Variants in MBD5 observed in about 807,000 individuals in gnomAD.
MBD5 encodes the protein methyl-CpG binding domain protein 5.
In MBD5, 13 loss-of-function variants were observed where a neutral mutation model predicts 117.3. The observed-to-expected ratio is 0.11, with a 90% CI of 0.07 to 0.18. MBD5 has a LOEUF of 0.18. Ranked by LOEUF, MBD5 falls within the 10% of genes least tolerant of loss-of-function variation. The probability of loss-of-function intolerance (pLI) is 1.00; values close to 1 mark genes in which losing one functional copy is unlikely to be tolerated. For synonymous variants in MBD5, 727 were observed against 766.4 expected, an observed-to-expected ratio of 0.95 and a Z score of 0.85; for missense variants, 1,879 against 2,093.8, an observed-to-expected ratio of 0.90 and a Z score of 2.00.
chr2:148,140,337 TTAAC>T lies in MBD5; in HGVS notation c.-924-38360_-924-38357del, dbSNP rs547475935. ...ACACTACTACTAATTTTAGTTTTGT[TTAAC>T]TATTCAAATTTTGTAGGTTGTTTTA... On this transcript the variant is annotated intron_variant, in intron 1 of 13. Coordinates refer to ENST00000642680, the MANE Select transcript of MBD5 (RefSeq NM_001378120.1). 1.8e-3 allele frequency among the ~76,000 whole-genome samples: 268 copies of T among 152,344 alleles called. 2 individuals carry two copies. The highest frequency in any genetic ancestry group is 5.9e-3 in the African/African-American group (244 of 41,580).
intron 3 of MBD5, among the ~76,000 whole-genome samples, chr2:148,294,196 G>GTTTTTTTTTTTTTTTTTTTT (rs60942822): frequency 2.4e-5 from 3 of 127,176 alleles, no homozygotes; most frequent in African/African-American, 8.9e-5. Flanking sequence ...CCAGAATGAA[G>GTTTTTTTTTTTTTTTTTTTT]TTTTTTTTTT....
At chr2:148,029,193 A>T (rs1263916494) in intron 1 of MBD5, among the ~76,000 whole-genome samples, 1 of 152,014 alleles carries the variant, frequency 6.6e-6, no homozygotes, top group Non-Finnish European at 1.5e-5. Context: ...TTAGGTGTTA[A>T]CCTTTAATTC....
chr2:148,065,293 T>A (rs921348109), intron 1 of MBD5, among the ~76,000 whole-genome samples: 1 of 152,134 alleles, frequency 6.6e-6, no homozygotes, highest in Admixed American at 6.5e-5. Flanking sequence ...TCAAATAGCC[T>A]GGTATTTTCC....
At chr2:148,353,417 T>C (rs1703295757) in intron 4 of MBD5, among the ~76,000 whole-genome samples, 1 of 152,140 alleles carries the variant, frequency 6.6e-6, no homozygotes, top group Non-Finnish European at 1.5e-5. Context: ...TACGTATCTC[T>C]ATTTTTTCAG....
intron 7 of MBD5, among the ~76,000 whole-genome samples, chr2:148,467,616 A>G (rs1213368450): frequency 6.6e-6 from 1 of 152,190 alleles, no homozygotes; most frequent in Non-Finnish European, 1.5e-5. Context: ...TGACTAATTA[A>G]GGGCAAAGAA....
intron 1 of MBD5, among the ~76,000 whole-genome samples, chr2:148,168,826 T>C (rs894511258): frequency 6.6e-6 from 1 of 151,942 alleles, no homozygotes; most frequent in East Asian, 1.9e-4. Flanking sequence ...CCTGAGAAGA[T>C]ATAAAGAGAA....
rs11304653 is a variant in MBD5 at position 148,376,272 on chromosome 2, C to CTT, written c.-557+33948_-557+33949dup. ...ATATTTCTTTTTTTTCTTTTCTTTT[C>CTT]TTTTTTTTTTTTTGAGACGGAGTCT... is the stretch of plus-strand genomic sequence containing the variant. On this transcript the variant is annotated intron_variant, in intron 4 of 13. Transcript: ENST00000642680. 1.4e-3 allele frequency among the ~76,000 whole-genome samples: 181 copies of CTT among 131,362 alleles called. 1 individual carries two copies. Among genetic ancestry groups the CTT allele is most frequent in the Middle Eastern group, 0.011 (3 of 262 alleles). The allele number at this position is 131,362 out of a possible 152,430, so 86.2% of individuals were successfully genotyped here.
chr2:148,313,143 G>A (rs1013350317), intron 3 of MBD5, among the ~76,000 whole-genome samples: 3 of 152,154 alleles, frequency 2.0e-5, no homozygotes, highest in Non-Finnish European at 2.9e-5. Flanking sequence ...GGACCCATTT[G>A]AGGAGGCAGT....
In MBD5 at chr2:148,155,891, G is replaced by A. The variant is rs142494049; in HGVS notation, c.-924-22809G>A. On this transcript the variant is annotated intron_variant, in intron 1 of 13. Transcript: ENST00000642680. ...GCTGGTAGCTCTGATTTATGAGTGC[G>A]AACTCTCCAGAGTAAGCTATACTCC... 4.6e-5 allele frequency among the ~76,000 whole-genome samples: 7 copies of A among 152,254 alleles called. No homozygotes were observed. The East Asian group carries it at 5.8e-4, about 13-fold the overall frequency.
intron 5 of MBD5, among the ~76,000 whole-genome samples, chr2:148,461,026 G>C (rs1208286394): frequency 6.6e-6 from 1 of 152,120 alleles, no homozygotes; most frequent in Non-Finnish European, 1.5e-5. Context: ...TCTGCCTCTT[G>C]GGTTCAAACA....
At position 148,513,169 on chromosome 2, in the gene MBD5, G is replaced by A; in HGVS notation, c.*228G>A. 9.5e-6 allele frequency: 5 copies of A among 527,402 alleles called. No homozygotes were observed. Among genetic ancestry groups the A allele is most frequent in the South Asian group, 2.5e-5 (1 of 39,658 alleles). The allele number at this position is 527,402 out of a possible 1,614,324, so 32.7% of individuals were successfully genotyped here. On this transcript the variant is annotated 3_prime_UTR_variant, in exon 14 of 14. Coordinates refer to ENST00000642680, the MANE Select transcript of MBD5 (RefSeq NM_001378120.1). ...TCTCTGTGTGATGAGAGTGATCAATGGTCAAGAGATTACTGAGAAACTCTT... is the reference window on the plus strand; with the variant it reads ...TCTCTGTGTGATGAGAGTGATCAATAGTCAAGAGATTACTGAGAAACTCTT...
At chr2:148,402,005 G>C (rs149774031) in intron 4 of MBD5, among the ~76,000 whole-genome samples, 3 of 151,686 alleles carry the variant, frequency 2.0e-5, no homozygotes, top group Non-Finnish European at 2.9e-5. Context: ...ACAAATACTT[G>C]GAAGTGATAT....
At chr2:148,420,853 A>G (rs553381107) in intron 4 of MBD5, among the ~76,000 whole-genome samples, 30 of 152,056 alleles carry the variant, frequency 2.0e-4, no homozygotes, top group African/African-American at 7.0e-4. Flanking sequence ...CAGCCTCCCA[A>G]GTAGCTGTGA....
At chr2:148,082,639 G>A (rs1695672763) in intron 1 of MBD5, among the ~76,000 whole-genome samples, 1 of 152,210 alleles carries the variant, frequency 6.6e-6, no homozygotes, top group Non-Finnish European at 1.5e-5. Flanking sequence ...CCCTTACAGA[G>A]TTTACTGTCC....
intron 1 of MBD5, among the ~76,000 whole-genome samples, chr2:148,173,350 C>T (rs992268625): frequency 1.3e-5 from 2 of 152,184 alleles, no homozygotes; most frequent in African/African-American, 4.8e-5. Context: ...GTAGCTGGTG[C>T]CTTTGCCAGC....
intron 1 of MBD5, among the ~76,000 whole-genome samples, chr2:148,094,875 G>A (rs1197195623): frequency 6.6e-6 from 1 of 152,130 alleles, no homozygotes; most frequent in Non-Finnish European, 1.5e-5. Flanking sequence ...TAAGATAAGT[G>A]ACTTGACTAA....
rs759609980 is a variant in MBD5 at position 148,468,331 on chromosome 2, T to C, written c.398-10T>C. 6.2e-7 allele frequency: 1 copy of C among 1,612,252 alleles called. No homozygotes were observed. The stretch of plus-strand genomic sequence containing the variant: ...TGTTAACAGAATTCTTTTTTTCTCT[T>C]TCACATCAGATGCAACTCCAGTAGT... On this transcript the variant is annotated splice_polypyrimidine_tract_variant and intron_variant, in intron 7 of 13. Coordinates refer to ENST00000642680, the MANE Select transcript of MBD5 (RefSeq NM_001378120.1).
At chr2:148,276,372 A>G (rs1210200610) in intron 3 of MBD5, among the ~76,000 whole-genome samples, 2 of 152,210 alleles carry the variant, frequency 1.3e-5, no homozygotes, top group Non-Finnish European at 1.5e-5. Context: ...AAGCTATAGA[A>G]TATTTGTAAA....
chr2:148,138,168 T>C (rs1309272799), intron 1 of MBD5, among the ~76,000 whole-genome samples: 1 of 152,222 alleles, frequency 6.6e-6, no homozygotes, highest in Non-Finnish European at 1.5e-5. Context: ...GGCCTACTAC[T>C]GTGTGAGAGA....
Sources: gnomAD v4.1 joint callset for allele counts (sites outside exome capture counted in the v4.1 genomes callset) on GRCh38, gnomAD v4.1.1 for gene constraint, MANE v1.5 for transcripts, NCBI Gene and HGNC (gene_info 2026-07-23, HGNC 2026-07-21) for gene names.